Variants in FNIP1 observed in about 807,000 individuals in gnomAD.
FNIP1 encodes the protein folliculin-interacting protein 1.
In FNIP1, 40 loss-of-function variants were observed where a neutral mutation model predicts 124.5. The ratio of observed to expected loss-of-function variants is 0.32; its 90% CI spans 0.25 to 0.42. The LOEUF is 0.42. FNIP1 is among the 10% of genes least tolerant of loss of function. FNIP1 has a pLI of 1.00. For synonymous variants in FNIP1, 472 were observed against 470.6 expected (o/e 1.00, Z -0.04); for missense variants, 1,176 against 1,403.7 (o/e 0.84, Z 2.59).
chr5:131,648,465 G>A (rs2149502374), intron 16 of FNIP1, among the ~76,000 whole-genome samples: 1 of 152,170 alleles, frequency 6.6e-6, no homozygotes, highest in South Asian at 2.1e-4. Context: ...CATACAGAGT[G>A]TTCCTTTCCA....
Position 131,649,600 on chromosome 5 carries a change from G to A in FNIP1, c.3306+2202C>T, listed in dbSNP as rs117502744. Among the ~76,000 whole-genome samples the A allele has an allele frequency of 7.2e-4, 110 of 152,052 alleles. 1 individual carries two copies. In the East Asian group the frequency reaches 0.016, roughly 22 times the overall value. On this transcript the variant is annotated intron_variant, in intron 16 of 17. Transcript: ENST00000510461. The stretch of plus-strand genomic sequence containing the variant: ...TTTGCAAATATTTTCTATTTTATAG[G>A]TTGTCTTTTCACTCTGTTGATAGCT...
intron 3 of FNIP1, 24 bp downstream of exon 3, chr5:131,730,878 TAA>T (rs773303587): frequency 6.4e-7 from 1 of 1,560,366 alleles, no homozygotes; most frequent in Admixed American, 2.0e-5. Flanking sequence ...AATGAATGAA[TAA>T]ATAAATGACA....
At chr5:131,681,423 A>C (rs1330799391) in intron 11 of FNIP1, among the ~76,000 whole-genome samples, 1 of 152,146 alleles carries the variant, frequency 6.6e-6, no homozygotes, top group Non-Finnish European at 1.5e-5. Flanking sequence ...TACAGAGCGC[A>C]ACCAAAAACA....
At chr5:131,658,540 A>C (rs962964722) in intron 15 of FNIP1, among the ~76,000 whole-genome samples, 3 of 152,066 alleles carry the variant, frequency 2.0e-5, no homozygotes, top group African/African-American at 7.2e-5. Flanking sequence ...GCCTTCATAC[A>C]TCTCAAGTTG....
At chr5:131,649,447 T>C (rs1561636206) in intron 16 of FNIP1, among the ~76,000 whole-genome samples, 2 of 152,214 alleles carry the variant, frequency 1.3e-5, no homozygotes, top group East Asian at 1.9e-4. Flanking sequence ...TATTGGCCAT[T>C]TGTATATTTT....
intron 6 of FNIP1, among the ~76,000 whole-genome samples, chr5:131,713,520 T>C (rs1266206243): frequency 6.6e-6 from 1 of 152,246 alleles, no homozygotes; most frequent in East Asian, 1.9e-4. Flanking sequence ...TCTATTATTT[T>C]TAAATTATTA....
At chr5:131,729,647 A>G (rs1387738513) in intron 3 of FNIP1, among the ~76,000 whole-genome samples, 1 of 152,118 alleles carries the variant, frequency 6.6e-6, no homozygotes, top group Non-Finnish European at 1.5e-5. Context: ...GCATGATCAT[A>G]ACTCACCACA....
At chr5:131,705,402 A>T (rs1018053121) in intron 9 of FNIP1, among the ~76,000 whole-genome samples, 3 of 151,950 alleles carry the variant, frequency 2.0e-5, no homozygotes, top group African/African-American at 7.3e-5. Flanking sequence ...GAGCCCAGGG[A>T]GGTTGAGGCT....
chr5:131,656,257 T>G (rs987756765), intron 15 of FNIP1, among the ~76,000 whole-genome samples: 2 of 152,192 alleles, frequency 1.3e-5, no homozygotes, highest in African/African-American at 4.8e-5. Context: ...CAAGAAAAAC[T>G]TGAATGGCTT....
At chr5:131,780,043 AAATAAT>A (rs911818472) in intron 1 of FNIP1, among the ~76,000 whole-genome samples, 2 of 151,814 alleles carry the variant, frequency 1.3e-5, no homozygotes, top group Non-Finnish European at 2.9e-5. Flanking sequence ...TCTAGCAAAA[AAATAAT>A]AATAATAATA....
At chr5:131,710,162 A>C (rs1400796368) in intron 7 of FNIP1, among the ~76,000 whole-genome samples, 3 of 128,354 alleles carry the variant, frequency 2.3e-5, no homozygotes, top group Non-Finnish European at 1.8e-5. Flanking sequence ...TAGATCAGAA[A>C]TTTTACAATA....
chr5:131,725,675 G>C (rs1769836030), intron 3 of FNIP1, among the ~76,000 whole-genome samples: 2 of 152,082 alleles, frequency 1.3e-5, no homozygotes, highest in Non-Finnish European at 2.9e-5. Flanking sequence ...CTTCCTATTT[G>C]AATACCCTTT....
chr5:131,733,366 T>A (rs1195796334), intron 2 of FNIP1, among the ~76,000 whole-genome samples: 3 of 152,210 alleles, frequency 2.0e-5, no homozygotes, highest in Non-Finnish European at 4.4e-5. Flanking sequence ...CAACACTATG[T>A]TGAATAGGAG....
At chr5:131,713,292 C>T (rs1045432071) in intron 6 of FNIP1, among the ~76,000 whole-genome samples, 2 of 151,998 alleles carry the variant, frequency 1.3e-5, no homozygotes, top group African/African-American at 2.4e-5. Context: ...GTGATCTGCC[C>T]GCCTTGGCCT....
chr5:131,715,888 G>A (rs1769452255), intron 6 of FNIP1, among the ~76,000 whole-genome samples: 1 of 151,860 alleles, frequency 6.6e-6, no homozygotes, highest in Non-Finnish European at 1.5e-5. Context: ...ACAGAAAATG[G>A]AAGAAATATT....
intron 11 of FNIP1, among the ~76,000 whole-genome samples, chr5:131,691,425 G>T (rs939323420): frequency 6.6e-6 from 1 of 152,220 alleles, no homozygotes; most frequent in African/African-American, 2.4e-5. Context: ...TTAATCTTAG[G>T]AAACTAGACA....
chr5:131,646,119 C>T (rs941640571), intron 17 of FNIP1, among the ~76,000 whole-genome samples: 3 of 152,140 alleles, frequency 2.0e-5, no homozygotes, highest in Non-Finnish European at 4.4e-5. Flanking sequence ...AGGTTATATC[C>T]TGTTACTGAT....
At chr5:131,719,502 A>G in intron 3 of FNIP1, 85 bp from the exon 4 acceptor site, 1 of 1,233,736 alleles carries the variant, frequency 8.1e-7, no homozygotes, top group South Asian at 1.4e-5. Context: ...AAAATTCTTG[A>G]TATAGTTATT....
At chr5:131,782,915 G>A (rs535497108) in intron 1 of FNIP1, among the ~76,000 whole-genome samples, 4 of 152,308 alleles carry the variant, frequency 2.6e-5, no homozygotes, top group African/African-American at 4.8e-5. Context: ...CGTCCGCCTC[G>A]GCCTCCCGAC....
Sources: allele counts gnomAD v4.1 joint callset (sites outside exome capture counted in the v4.1 genomes callset), GRCh38; gene constraint gnomAD v4.1.1; transcripts MANE v1.5; gene names NCBI Gene and HGNC (gene_info 2026-07-23, HGNC 2026-07-21).